Variants in FGF10 observed in about 807,000 individuals in gnomAD.
FGF10 encodes the protein FGF-10.
FGF10 carries 2 observed loss-of-function variants against 19.8 expected under a neutral mutation model. The observed-to-expected ratio is 0.10, with a 90% CI of 0.04 to 0.32. The LOEUF (loss-of-function observed/expected upper bound fraction) is 0.32, where lower values mean the gene tolerates loss of function less well. FGF10 is among the 10% of genes least tolerant of loss of function. FGF10 has a pLI of 1.00. For missense variants in FGF10, 191 were observed against 246.3 expected (o/e 0.78, Z 1.50); for synonymous variants, 112 against 94.0 (o/e 1.19, Z -1.10).
chr5:44,388,753 A>T lies in FGF10; in HGVS notation c.-71T>A. 1 of 1,534,946 alleles carries T rather than the reference A, an allele frequency of 6.5e-7. No individual in the cohort carries two copies. The highest frequency in any genetic ancestry group is 2.3e-5 in the East Asian group (1 of 43,966). On this transcript the variant is annotated 5_prime_UTR_variant, in exon 1 of 3. Transcript: ENST00000264664. Reference sequence around the variant, plus strand: ...ATACTGGAAGGGTAAGACCCGATGCAAGGCAAGGAGAGAGCTCGAGGTGGT... The same window carrying T: ...ATACTGGAAGGGTAAGACCCGATGCTAGGCAAGGAGAGAGCTCGAGGTGGT...
Position 44,319,787 on chromosome 5 carries a change from A to G in FGF10, c.326-9257T>C, listed in dbSNP as rs75784561. On this transcript the variant is annotated intron_variant, in intron 1 of 2. Coordinates refer to ENST00000264664, the MANE Select transcript of FGF10 (RefSeq NM_004465.2). ...CAATTTATCTATTTATGTATACTTG[A>G]CAAATGGCAACATTGATTCATTTGC... 4.8e-4 allele frequency among the ~76,000 whole-genome samples: 73 copies of G among 152,312 alleles called. 1 individual carries two copies. The East Asian group carries it at 0.014, about 29-fold the overall frequency.
chr5:44,320,344 C>T (rs1011373861), intron 1 of FGF10, among the ~76,000 whole-genome samples: 3 of 152,188 alleles, frequency 2.0e-5, no homozygotes, highest in African/African-American at 7.2e-5. Flanking sequence ...TCCACCCATG[C>T]TTCTTTCCTG....
chr5:44,327,268 A>G (rs17234394), intron 1 of FGF10, among the ~76,000 whole-genome samples: 2,099 of 152,328 alleles, frequency 0.014, 89 homozygotes, highest in East Asian at 0.12. Context: ...TCTACGAAAC[A>G]TAAGAAGGAT....
At chr5:44,317,151 C>A (rs985229400) in intron 1 of FGF10, among the ~76,000 whole-genome samples, 1 of 152,154 alleles carries the variant, frequency 6.6e-6, no homozygotes, top group South Asian at 2.1e-4. Context: ...CACCTCCTAC[C>A]ATTATACACT....
intron 1 of FGF10, among the ~76,000 whole-genome samples, chr5:44,334,657 G>T (rs190144219): frequency 1.1e-4 from 17 of 152,190 alleles, no homozygotes; most frequent in Admixed American, 6.6e-4. Context: ...CACAACTGGT[G>T]GTTAAGCCAG....
chr5:44,316,709 T>C (rs1561199002), intron 1 of FGF10, among the ~76,000 whole-genome samples: 2 of 152,266 alleles, frequency 1.3e-5, no homozygotes, highest in South Asian at 2.1e-4. Flanking sequence ...TTTTAAACAA[T>C]GTGGAAAATT....
chr5:44,322,041 G>A (rs1277831267), intron 1 of FGF10, among the ~76,000 whole-genome samples: 1 of 152,178 alleles, frequency 6.6e-6, no homozygotes, highest in African/African-American at 2.4e-5. Flanking sequence ...GGGATTACAG[G>A]TGTGAGCCAC....
intron 1 of FGF10, among the ~76,000 whole-genome samples, chr5:44,311,281 T>C (rs1232040406): frequency 6.6e-6 from 1 of 152,110 alleles, no homozygotes; most frequent in African/African-American, 2.4e-5. Flanking sequence ...CATCTAAAGA[T>C]AATTTTCTCG....
chr5:44,335,362 C>T (rs186258756), intron 1 of FGF10, among the ~76,000 whole-genome samples: 4 of 152,134 alleles, frequency 2.6e-5, no homozygotes, highest in Admixed American at 2.6e-4. Context: ...ACTCTAGTGG[C>T]TGTATTTTCC....
chr5:44,320,323 T>C (rs1740454661), intron 1 of FGF10, among the ~76,000 whole-genome samples: 2 of 152,172 alleles, frequency 1.3e-5, no homozygotes, highest in South Asian at 2.1e-4. Context: ...TCCATTATTG[T>C]ATTTACCACT....
At chr5:44,369,518 C>A (rs1049450224) in intron 1 of FGF10, among the ~76,000 whole-genome samples, 1 of 152,116 alleles carries the variant, frequency 6.6e-6, no homozygotes, top group African/African-American at 2.4e-5. Flanking sequence ...TTTGTTTACA[C>A]GACTGTCATT....
intron 1 of FGF10, among the ~76,000 whole-genome samples, chr5:44,361,995 C>T (rs1331778248): frequency 6.6e-6 from 1 of 151,604 alleles, no homozygotes; most frequent in Non-Finnish European, 1.5e-5. Context: ...TGTCTTTATG[C>T]CTCCTGCTTC....
intron 1 of FGF10, among the ~76,000 whole-genome samples, chr5:44,315,636 A>C (rs545038996): frequency 6.6e-6 from 1 of 152,296 alleles, no homozygotes; most frequent in Admixed American, 6.5e-5. Context: ...AATGCTATAT[A>C]GTTTTATAGT....
intron 1 of FGF10, among the ~76,000 whole-genome samples, chr5:44,372,855 G>C (rs1204450475): frequency 2.0e-5 from 3 of 152,172 alleles, no homozygotes; most frequent in Admixed American, 2.0e-4. Flanking sequence ...AGGTTTCAAG[G>C]CCTGGGAATC....
intron 1 of FGF10, among the ~76,000 whole-genome samples, chr5:44,323,017 G>T (rs1395250070): frequency 6.6e-6 from 1 of 151,986 alleles, no homozygotes; most frequent in Non-Finnish European, 1.5e-5. Context: ...TATAATATTG[G>T]CAATAAAGAT....
At chr5:44,338,553 G>C (rs1269859884) in intron 1 of FGF10, among the ~76,000 whole-genome samples, 1 of 152,160 alleles carries the variant, frequency 6.6e-6, no homozygotes, top group Non-Finnish European at 1.5e-5. Context: ...CGTCCAGCAT[G>C]TTTAGCTTCC....
intron 1 of FGF10, among the ~76,000 whole-genome samples, chr5:44,337,540 A>T (rs1740881143): frequency 1.3e-5 from 2 of 152,234 alleles, no homozygotes; most frequent in South Asian, 4.1e-4. Flanking sequence ...GAAAACATTT[A>T]TTTCAGTTTG....
intron 1 of FGF10, among the ~76,000 whole-genome samples, chr5:44,354,959 T>A (rs1741314305): frequency 6.6e-6 from 1 of 151,524 alleles, no homozygotes; most frequent in Non-Finnish European, 1.5e-5. Context: ...ACCAGTTCCC[T>A]TTTTCATTCA....
chr5:44,310,377 A>G (rs373458282), intron 2 of FGF10, 50 bp downstream of exon 2: 34 of 1,307,948 alleles, frequency 2.6e-5, no homozygotes, highest in Non-Finnish European at 2.8e-5. Context: ...TTCCAAAACT[A>G]TGGTAATGGT....
Sources: gnomAD v4.1 joint callset for allele counts (sites outside exome capture counted in the v4.1 genomes callset) on GRCh38, gnomAD v4.1.1 for gene constraint, MANE v1.5 for transcripts, NCBI Gene and HGNC (gene_info 2026-07-23, HGNC 2026-07-21) for gene names.